Variants in DPH6 observed in about 807,000 individuals in gnomAD.
DPH6 encodes the protein diphthamine biosynthesis 6.
In DPH6, 33 loss-of-function variants were observed where a neutral mutation model predicts 38.2. The ratio of observed to expected loss-of-function variants is 0.86; its 90% CI spans 0.65 to 1.15. The LOEUF is 1.15. Among genes scored for constraint, DPH6 ranks in the 50% most tolerant of loss-of-function variants. The pLI is 0.00. For synonymous variants in DPH6, 108 were observed against 103.0 expected, an observed-to-expected ratio of 1.05 and a Z score of -0.30; for missense variants, 325 against 320.0, an observed-to-expected ratio of 1.02 and a Z score of -0.12.
At chr15:35,195,761 A>T in the DPH6 span, among the ~76,000 whole-genome samples, 1 of 152,156 alleles carries the variant, frequency 6.6e-6, no homozygotes, top group East Asian at 1.9e-4. Context: ...ATGAGTTTCC[A>T]GGACCCTGCT....
chr15:35,283,875 A>AATTGATG (rs1236875422), intron 3 of DPH6, among the ~76,000 whole-genome samples: 4 of 152,058 alleles, frequency 2.6e-5, no homozygotes, highest in Non-Finnish European at 5.9e-5. Context: ...TAACAATATA[A>AATTGATG]ATTGATGGTG....
At chr15:35,496,063 T>C (rs534562524) in intron 3 of DPH6, among the ~76,000 whole-genome samples, 4 of 152,292 alleles carry the variant, frequency 2.6e-5, no homozygotes, top group African/African-American at 9.6e-5. Flanking sequence ...ATATATCAAA[T>C]GTGTAAGTAA....
chr15:35,518,207 TAC>T (rs973201284), intron 3 of DPH6, among the ~76,000 whole-genome samples: 3 of 152,042 alleles, frequency 2.0e-5, no homozygotes, highest in Admixed American at 6.6e-5. Flanking sequence ...GGAGTGTATG[TAC>T]ACACACGTAC....
chr15:35,194,383 G>GAC, the DPH6 span, among the ~76,000 whole-genome samples: 1 of 151,920 alleles, frequency 6.6e-6, no homozygotes, highest in African/African-American at 2.4e-5. Flanking sequence ...GAGAGAGAGA[G>GAC]AGAGAGAGAG....
At chr15:35,304,655 C>G (rs1237016844) in intron 3 of DPH6, among the ~76,000 whole-genome samples, 2 of 151,982 alleles carry the variant, frequency 1.3e-5, no homozygotes, top group African/African-American at 4.8e-5. Flanking sequence ...TGTTTATACC[C>G]AGCATTACTC....
chr15:35,308,568 G>C (rs779132024), intron 3 of DPH6, among the ~76,000 whole-genome samples: 4 of 151,848 alleles, frequency 2.6e-5, no homozygotes, highest in Non-Finnish European at 5.9e-5. Context: ...AAAAAAAAAA[G>C]TACTTGGATA....
intron 3 of DPH6, among the ~76,000 whole-genome samples, chr15:35,348,323 T>C (rs555147082): frequency 1.3e-4 from 20 of 152,320 alleles, no homozygotes; most frequent in African/African-American, 4.6e-4. Flanking sequence ...AATTACTTTT[T>C]GTATATGGTG....
At chr15:35,510,579 G>A (rs1435491468) in intron 3 of DPH6, among the ~76,000 whole-genome samples, 2 of 152,082 alleles carry the variant, frequency 1.3e-5, no homozygotes, top group Non-Finnish European at 2.9e-5. Flanking sequence ...AAAGCATTTC[G>A]ATGCAGTAAC....
At chr15:35,451,402 C>A (rs1248869228) in intron 4 of DPH6, among the ~76,000 whole-genome samples, 1 of 152,160 alleles carries the variant, frequency 6.6e-6, no homozygotes, top group African/African-American at 2.4e-5. Flanking sequence ...ACTCTAGCTG[C>A]ATGGCTTTTG....
chr15:35,201,841 T>C, the DPH6 span, among the ~76,000 whole-genome samples: 11 of 151,898 alleles, frequency 7.2e-5, no homozygotes, highest in South Asian at 6.2e-4. Context: ...GTGGTTTTTT[T>C]AGTTGATCCA....
At chr15:35,204,204 T>C in the DPH6 span, among the ~76,000 whole-genome samples, 1 of 151,746 alleles carries the variant, frequency 6.6e-6, no homozygotes, top group Non-Finnish European at 1.5e-5. Context: ...ATTTATTTTG[T>C]ATTCAGCAGC....
At chr15:35,327,059 T>C (rs1382152885), downstream of DPH6, among the ~76,000 whole-genome samples, 2 of 152,134 alleles carry the variant, frequency 1.3e-5, no homozygotes, top group Non-Finnish European at 2.9e-5. Flanking sequence ...AAGTGAGCCA[T>C]GCTAGCATTT....
intron 3 of DPH6, among the ~76,000 whole-genome samples, chr15:35,236,396 T>TG (rs1482719608): frequency 1.3e-5 from 2 of 152,160 alleles, no homozygotes; most frequent in African/African-American, 4.8e-5. Context: ...CCCAGCACTT[T>TG]GGGAGGCTGA....
At chr15:35,422,475 TTGA>T (rs1364110622) in intron 5 of DPH6, among the ~76,000 whole-genome samples, 1 of 151,978 alleles carries the variant, frequency 6.6e-6, no homozygotes, top group Non-Finnish European at 1.5e-5. Flanking sequence ...GGTGTATAAC[TTGA>T]TGACTTTATA....
At chr15:35,436,753 G>GT (rs57241274) in intron 5 of DPH6, among the ~76,000 whole-genome samples, 104,425 of 143,962 alleles carry the variant, frequency 0.73, 39,552 homozygotes, top group East Asian at 0.88. Context: ...CTGCCTTTAA[G>GT]TTTTTTTTTT....
At chr15:35,353,867 G>T (rs2052536829) in intron 3 of DPH6, among the ~76,000 whole-genome samples, 1 of 152,074 alleles carries the variant, frequency 6.6e-6, no homozygotes, top group South Asian at 2.1e-4. Context: ...AAATTACCTT[G>T]GGCAGTATAG....
At chr15:35,299,484 T>C (rs557913177) in intron 3 of DPH6, 1 of 748,696 alleles carries the variant, frequency 1.3e-6, no homozygotes, top group Non-Finnish European at 2.5e-6. Context: ...ACTCTGCCCA[T>C]GGGCCGCGGT....
chr15:35,391,399 G>T (rs956152595), intron 6 of DPH6, among the ~76,000 whole-genome samples: 1 of 152,188 alleles, frequency 6.6e-6, no homozygotes, highest in African/African-American at 2.4e-5. Flanking sequence ...GTCTGCAGAG[G>T]TTATTGCTGT....
chr15:35,544,776 T>C (rs1331009326), intron 1 of DPH6, among the ~76,000 whole-genome samples: 1 of 152,232 alleles, frequency 6.6e-6, no homozygotes, highest in Non-Finnish European at 1.5e-5. Flanking sequence ...GGTTATTTAG[T>C]GTAACTGACT....
Sources: gnomAD v4.1 joint callset for allele counts (sites outside exome capture counted in the v4.1 genomes callset) on GRCh38, gnomAD v4.1.1 for gene constraint, MANE v1.5 for transcripts, NCBI Gene and HGNC (gene_info 2026-07-23, HGNC 2026-07-21) for gene names.